MINDY4B: variants seen among roughly 807,000 people sequenced by gnomAD.
MINDY4B encodes the protein MINDY family member 4B, also known as inactive ubiquitin carboxyl-terminal hydrolase MINDY-4B.
MINDY4B carries 25 observed loss-of-function variants against 16.7 expected under a neutral mutation model. That is an observed-to-expected ratio of 1.49 (90% CI 1.09 to 2.09). The LOEUF is 2.09. Ranked by LOEUF, MINDY4B falls within the 30% of genes most tolerant of loss-of-function variation. The pLI is 0.00. For synonymous variants in MINDY4B, 132 were observed against 61.9 expected (o/e 2.13, Z -5.32); for missense variants, 327 against 168.4 (o/e 1.94, Z -5.21).
intron 10 of MINDY4B, among the ~76,000 whole-genome samples, chr3:150,875,803 T>A (rs950008012): frequency 1.3e-5 from 2 of 152,178 alleles, no homozygotes; most frequent in Non-Finnish European, 2.9e-5. Flanking sequence ...CTTTGAGTAT[T>A]AAGAGGCGAG....
Position 150,890,922 on chromosome 3 carries a change from G to A in MINDY4B, c.687+16C>T, listed in dbSNP as rs553212217. 1.6e-5 allele frequency: 11 copies of A among 700,230 alleles called. No homozygotes were observed. The African/African-American group carries it at 1.9e-4, about 12-fold the overall frequency. The allele number at this position is 700,230 out of a possible 1,614,324, so 43.4% of individuals were successfully genotyped here. On this transcript the variant is annotated intron_variant, in intron 6 of 11. Transcript: ENST00000465419. ...ACTGGCCTTTCATCTGCCAGGACAG[G>A]GAGAACTGCACTTACTCGCTCAGTG...
At chr3:150,904,185 C>T (rs1450070732) in intron 2 of MINDY4B, among the ~76,000 whole-genome samples, 2 of 152,156 alleles carry the variant, frequency 1.3e-5, no homozygotes, top group African/African-American at 2.4e-5. Flanking sequence ...AAAATCTTTA[C>T]ATTTGTGCCA....
In MINDY4B at chr3:150,893,177, C is replaced by T; in HGVS notation, c.521+147G>A. 9.6e-6 allele frequency: 6 copies of T among 622,420 alleles called. No individual in the cohort carries two copies. The South Asian group carries it at 1.1e-4, about 12-fold the overall frequency. 38.6% of individuals were successfully genotyped at this position (622,420 alleles called of 1,614,324 possible). A position where few individuals can be genotyped will look rare whatever the true frequency, so the allele number is the denominator to read the frequency against. ...GCAGAGCCCTTCCCAGTGGCAGAAT[C>T]CAGCCTCTCTGGGACAGACAGGGCC... On this transcript the variant is annotated intron_variant, in intron 5 of 11. Transcript: ENST00000465419.
intron 3 of MINDY4B, among the ~76,000 whole-genome samples, chr3:150,894,555 T>C (rs528203715): frequency 1.2e-4 from 18 of 152,216 alleles, no homozygotes; most frequent in Non-Finnish European, 1.9e-4. Context: ...CTGCTCTGTG[T>C]CTACAGCTCT....
At chr3:150,894,102 C>A in intron 4 of MINDY4B, 84 bp downstream of exon 4, 1 of 561,912 alleles carries the variant, frequency 1.8e-6, no homozygotes, top group Non-Finnish European at 3.1e-6. Flanking sequence ...TGAAGACATG[C>A]ATTTACATGG....
intron 7 of MINDY4B, among the ~76,000 whole-genome samples, chr3:150,887,901 G>A (rs1295418839): frequency 2.0e-5 from 3 of 152,140 alleles, no homozygotes; most frequent in Non-Finnish European, 4.4e-5. Context: ...GAGGTCAGGA[G>A]ATCGAGACCA....
chr3:150,901,468 G>A (rs1440331523), intron 3 of MINDY4B: 1 of 152,310 alleles, frequency 6.6e-6, no homozygotes, highest in Non-Finnish European at 1.5e-5. Context: ...TGAGCAAAAA[G>A]AGGAAAGCAA....
intron 1 of MINDY4B, 100 bp from the exon 2 acceptor site, chr3:150,905,189 C>A (rs139253026): frequency 5.0e-6 from 2 of 398,314 alleles, no homozygotes; most frequent in Non-Finnish European, 8.9e-6. Context: ...AAGTCTCTGT[C>A]CACGAATAGT....
chr3:150,900,407 A>G (rs532443064), intron 3 of MINDY4B, among the ~76,000 whole-genome samples: 1 of 152,306 alleles, frequency 6.6e-6, no homozygotes, highest in Non-Finnish European at 1.5e-5. Context: ...CAACAAAAGG[A>G]TTTCTGGAGT....
chr3:150,889,569 T>C (rs767864610), intron 7 of MINDY4B, among the ~76,000 whole-genome samples: 9 of 152,046 alleles, frequency 5.9e-5, no homozygotes, highest in Non-Finnish European at 1.3e-4. Flanking sequence ...TTTGGACTTC[T>C]TTAGGGGGAC....
rs910353298 is a variant in MINDY4B, at chr3:150,873,224, G to C, written c.1203C>G (p.Gly401=). 4 of 703,066 alleles carry C rather than the reference G, an allele frequency of 5.7e-6. No individual in the cohort carries two copies. Among genetic ancestry groups the C allele is most frequent in the Non-Finnish European group, 7.8e-6 (3 of 384,918 alleles). 43.6% of individuals were successfully genotyped at this position (703,066 alleles called of 1,614,324 possible). Residue 401 remains glycine, a synonymous_variant, in exon 11 of 12, where the codon GGC becomes GGG. Transcript: ENST00000465419. ...ERLFDLYFYS[G]QPSQKKLVRL... is the part of the protein sequence containing the mutation. ...GCACAAGCTTTTTCTGTGAGGGTTG[G>C]CCACTGTAAAAGTACAGATCAAAGA...
At chr3:150,898,974 C>T (rs1712047280) in intron 3 of MINDY4B, among the ~76,000 whole-genome samples, 1 of 152,080 alleles carries the variant, frequency 6.6e-6, no homozygotes, top group African/African-American at 2.4e-5. Context: ...TCTCTTCTTG[C>T]CTTATGAATT....
chr3:150,888,590 T>A (rs995485344), intron 7 of MINDY4B, among the ~76,000 whole-genome samples: 1 of 152,142 alleles, frequency 6.6e-6, no homozygotes, highest in East Asian at 1.9e-4. Flanking sequence ...CTGATCACAA[T>A]GTGCAACCCC....
At chr3:150,881,099 G>A (rs1201860932) in intron 10 of MINDY4B, among the ~76,000 whole-genome samples, 5 of 152,138 alleles carry the variant, frequency 3.3e-5, no homozygotes, top group African/African-American at 1.2e-4. Context: ...TAAATATAAT[G>A]AGAGGCCAGG....
intron 3 of MINDY4B, among the ~76,000 whole-genome samples, chr3:150,894,806 T>C (rs1460005410): frequency 6.6e-6 from 1 of 152,120 alleles, no homozygotes; most frequent in African/African-American, 2.4e-5. Context: ...ATAAACCAAA[T>C]GTATGAAAAA....
In MINDY4B at chr3:150,891,075, C is replaced by T. The variant is rs967857735; in HGVS notation, c.550G>A (p.Glu184Lys). The T allele has an allele frequency of 1.6e-5, 11 of 702,540 alleles. No individual in the cohort carries two copies. In the Admixed American group the frequency reaches 2.2e-4, roughly 14 times the overall value. The allele number at this position is 702,540 out of a possible 1,614,324, so 43.5% of individuals were successfully genotyped here. ...NLCEISKKEQEQALAAALAGI... is the reference protein window; with the variant it reads ...NLCEISKKEQKQALAAALAGI... ...GCAAGCGCCGCGGCCAAGGCTTGCT[C>T]CTGCTCCTTCTTGCTTATTTCACAT... The change falls in exon 6 of 12, where the codon GAG (glutamate) becomes AAG (lysine). Residue 184 changes from glutamate to lysine, a missense_variant. By Grantham distance (56) the Glu-to-Lys change is moderately conservative. Transcript: ENST00000465419.
intron 3 of MINDY4B, among the ~76,000 whole-genome samples, chr3:150,896,558 T>C (rs1290355140): frequency 6.6e-6 from 1 of 152,212 alleles, no homozygotes; most frequent in Admixed American, 6.5e-5. Context: ...GTTCAGATTC[T>C]TTTGTCCCAC....
chr3:150,872,868 T>A (rs999961372), intron 11 of MINDY4B, among the ~76,000 whole-genome samples: 1 of 152,244 alleles, frequency 6.6e-6, no homozygotes, highest in Non-Finnish European at 1.5e-5. Flanking sequence ...AGCTACCTCA[T>A]GCTCCAAAAT....
intron 3 of MINDY4B, among the ~76,000 whole-genome samples, chr3:150,900,360 T>C (rs2107911204): frequency 6.6e-6 from 1 of 152,338 alleles, no homozygotes; most frequent in South Asian, 2.1e-4. Flanking sequence ...CATGCATCCG[T>C]AATCCAAACA....
Sources: gnomAD v4.1 joint callset for allele counts (sites outside exome capture counted in the v4.1 genomes callset) on GRCh38, gnomAD v4.1.1 for gene constraint, MANE v1.5 for transcripts, NCBI Gene and HGNC (gene_info 2026-07-23, HGNC 2026-07-21) for gene names.